The following ANXA10 variants were observed in gnomAD, a reference collection of about 807,000 sequenced individuals.
The protein encoded by ANXA10 is annexin 14.
Under a neutral mutation model 53.5 loss-of-function variants are expected in ANXA10, and 49 were observed. The ratio of observed to expected loss-of-function variants is 0.92; its 90% CI spans 0.73 to 1.16. The LOEUF (loss-of-function observed/expected upper bound fraction) is 1.16. Among genes scored for constraint, ANXA10 ranks in the 50% most tolerant of loss-of-function variants. The probability of loss-of-function intolerance (pLI) is 0.00; values close to 1 mark genes in which losing one functional copy is unlikely to be tolerated. For synonymous variants in ANXA10, 131 were observed against 128.9 expected (o/e 1.02, Z -0.11); for missense variants, 393 against 394.4 (o/e 1.00, Z 0.03).
intron 6 of ANXA10, among the ~76,000 whole-genome samples, chr4:168,170,957 T>C (rs910276109): frequency 6.6e-6 from 1 of 152,176 alleles, no homozygotes; most frequent in South Asian, 2.1e-4. Context: ...GTAAAATGTA[T>C]GAGTTCTCTT....
intron 3 of ANXA10, among the ~76,000 whole-genome samples, chr4:168,155,117 ACAT>A (rs1731581981): frequency 6.7e-6 from 1 of 148,182 alleles, no homozygotes; most frequent in African/African-American, 2.6e-5. Flanking sequence ...CTGTCCTGAA[ACAT>A]TATTTATTGT....
chr4:168,106,971 A>G (rs1730729769), intron 1 of ANXA10, among the ~76,000 whole-genome samples: 1 of 152,144 alleles, frequency 6.6e-6, no homozygotes, highest in South Asian at 2.1e-4. Context: ...TTCCCATGAG[A>G]TGCCTCAAAG....
chr4:168,155,808 G>C (rs1417295441), intron 3 of ANXA10, among the ~76,000 whole-genome samples: 600 of 7,298 alleles, frequency 0.082, 59 homozygotes, highest in African/African-American at 0.2. Flanking sequence ...TATAATATAT[G>C]ATATATTATA....
chr4:168,179,355 T>G (rs1278154651), intron 9 of ANXA10, 43 bp downstream of exon 9: 1 of 1,364,226 alleles, frequency 7.3e-7, no homozygotes, highest in Non-Finnish European at 1.0e-6. Flanking sequence ...ATTTTATTTC[T>G]CTATAAATGC....
At chr4:168,179,147 T>C (rs1448484990) in intron 8 of ANXA10, 70 bp from the exon 9 acceptor site, 3 of 923,898 alleles carry the variant, frequency 3.2e-6, no homozygotes, top group Admixed American at 4.5e-5. Flanking sequence ...ATTTTTACTA[T>C]GTGTAACAAT....
chr4:168,151,048 G>C (rs1731488095), intron 3 of ANXA10, among the ~76,000 whole-genome samples: 1 of 152,102 alleles, frequency 6.6e-6, no homozygotes, highest in South Asian at 2.1e-4. Context: ...GATTGCTCTG[G>C]GGCCCCCTTG....
Position 168,139,556 on chromosome 4 carries a change from G to C in ANXA10, c.171G>C (p.Glu57Asp). The C allele has an allele frequency of 1.2e-6, 2 of 1,611,822 alleles. No homozygotes were observed. Among genetic ancestry groups the C allele is most frequent in the Non-Finnish European group, 1.7e-6 (2 of 1,178,292 alleles). ...ATGCACAAAGGATGATGATTGCAGA[G>C]GCATACCAGAGCATGTATGGCCGGG... ...RCNAQRMMIA[E>D]AYQSMYGRDL... The change falls in exon 3 of 12, where the codon GAG (glutamate) becomes GAC (aspartate). Residue 57 changes from glutamate (E) to aspartate (D), a missense_variant. By Grantham distance (45) the Glu-to-Asp change is conservative. Coordinates refer to ENST00000359299, the MANE Select transcript of ANXA10 (RefSeq NM_007193.5).
chr4:168,180,255 C>A (rs548775385), intron 9 of ANXA10, among the ~76,000 whole-genome samples: 1 of 152,142 alleles, frequency 6.6e-6, no homozygotes, highest in Non-Finnish European at 1.5e-5. Context: ...CCAGAAAATT[C>A]TCTACAAAAT....
At position 168,187,522 on chromosome 4, in the gene ANXA10, C is replaced by A; in HGVS notation, c.*88C>A. 1 of 766,048 alleles carries A rather than the reference C, an allele frequency of 1.3e-6. No individual in the cohort carries two copies. The highest frequency in any genetic ancestry group is 2.0e-6 in the Non-Finnish European group (1 of 500,076). 47.5% of individuals were successfully genotyped at this position (766,048 alleles called of 1,614,324 possible). A position where few individuals can be genotyped will look rare whatever the true frequency, so the allele number is the denominator to read the frequency against. ...TCACAAATTTGTACTGTTCATGGCA[C>A]TATTAACAAAACTATACAATCATAT... On this transcript the variant is annotated 3_prime_UTR_variant, in exon 12 of 12. Coordinates refer to ENST00000359299, the MANE Select transcript of ANXA10 (RefSeq NM_007193.5).
chr4:168,147,784 C>T (rs561249519), intron 3 of ANXA10, among the ~76,000 whole-genome samples: 3 of 152,312 alleles, frequency 2.0e-5, no homozygotes, highest in South Asian at 4.1e-4. Flanking sequence ...CTTGAGTCCT[C>T]CTGCTCCACA....
At chr4:168,172,042 A>G (rs960607973) in intron 6 of ANXA10, among the ~76,000 whole-genome samples, 8 of 152,156 alleles carry the variant, frequency 5.3e-5, no homozygotes, top group Non-Finnish European at 7.4e-5. Flanking sequence ...ATTTTCACCC[A>G]CATCTTAGTT....
At chr4:168,156,162 T>TAA (rs377015231) in intron 3 of ANXA10, among the ~76,000 whole-genome samples, 30,228 of 50,490 alleles carry the variant, frequency 0.6, 9,004 homozygotes, top group African/African-American at 0.65. Flanking sequence ...ATATTATATA[T>TAA]TATATATATT....
intron 8 of ANXA10, 28 bp downstream of exon 8, chr4:168,178,011 C>A: frequency 6.3e-7 from 1 of 1,591,174 alleles, no homozygotes; most frequent in Non-Finnish European, 8.6e-7. Flanking sequence ...TTCGTTCCAG[C>A]TACTTGACCA....
At position 168,164,275 on chromosome 4, in the gene ANXA10, A is replaced by C. The variant is rs1307666215; in HGVS notation, c.387A>C (p.Glu129Asp). Residue 129 changes from glutamate to aspartate, a missense_variant, in exon 5 of 12, where the codon GAA (glutamate) becomes GAC (aspartate). By Grantham distance (45) the Glu-to-Asp change is conservative. Coordinates refer to ENST00000359299, the MANE Select transcript of ANXA10 (RefSeq NM_007193.5). ...ATGGAGAAATTTTCCAGATGCGAGA[A>C]GCCTACTGCTTGCGTAAGGAAATAT... ...RTNGEIFQMR[E>D]AYCLQYSNNL... The C allele has an allele frequency of 6.2e-7, 1 of 1,610,782 alleles. No homozygotes were observed. Among genetic ancestry groups the C allele is most frequent in the Non-Finnish European group, 8.5e-7 (1 of 1,177,246 alleles).
At chr4:168,145,251 A>G (rs1481763905) in intron 3 of ANXA10, among the ~76,000 whole-genome samples, 1 of 152,162 alleles carries the variant, frequency 6.6e-6, no homozygotes, top group Non-Finnish European at 1.5e-5. Flanking sequence ...GGCCTTTTGG[A>G]TAAGATCAAG....
intron 1 of ANXA10, among the ~76,000 whole-genome samples, chr4:168,103,107 C>A (rs1000955821): frequency 6.6e-6 from 1 of 151,960 alleles, no homozygotes; most frequent in African/African-American, 2.4e-5. Context: ...CCTTTCCTTT[C>A]TTTCTGTGGA....
At chr4:168,176,023 G>A (rs1039158577) in intron 6 of ANXA10, among the ~76,000 whole-genome samples, 2 of 152,002 alleles carry the variant, frequency 1.3e-5, no homozygotes, top group Non-Finnish European at 2.9e-5. Flanking sequence ...ACTTTTATTG[G>A]GTTAAGTATT....
At chr4:168,121,688 A>G (rs1180814031) in intron 1 of ANXA10, among the ~76,000 whole-genome samples, 1 of 152,196 alleles carries the variant, frequency 6.6e-6, no homozygotes, top group African/African-American at 2.4e-5. Context: ...AATATTAAAA[A>G]TCGTGTTTTC....
chr4:168,119,704 C>T (rs1334498391), intron 1 of ANXA10, among the ~76,000 whole-genome samples: 1 of 152,004 alleles, frequency 6.6e-6, no homozygotes, highest in African/African-American at 2.4e-5. Flanking sequence ...AGCCAAAGTG[C>T]TAGGCCTTGA....
Sources: allele counts gnomAD v4.1 joint callset (sites outside exome capture counted in the v4.1 genomes callset), GRCh38; gene constraint gnomAD v4.1.1; transcripts MANE v1.5; gene names NCBI Gene and HGNC (gene_info 2026-07-23, HGNC 2026-07-21).